The following DLG2 variants were observed in gnomAD, a reference collection of about 807,000 sequenced individuals.
The protein encoded by DLG2 is discs large MAGUK scaffold protein 2, also known as disks large homolog 2.
In DLG2, 45 loss-of-function variants were observed where a neutral mutation model predicts 132.5. That is an observed-to-expected ratio of 0.34 (90% CI 0.27 to 0.44). The LOEUF (loss-of-function observed/expected upper bound fraction) is 0.44. Among genes scored for constraint, DLG2 ranks in the 20% least tolerant of loss-of-function variants. The pLI is 1.00. For missense variants in DLG2, 1,045 were observed against 1,196.9 expected (o/e 0.87, Z 1.87); for synonymous variants, 424 against 419.6 (o/e 1.01, Z -0.13).
At chr11:85,387,836 C>G (rs554472872) in intron 3 of DLG2, among the ~76,000 whole-genome samples, 22 of 152,304 alleles carry the variant, frequency 1.4e-4, no homozygotes, top group African/African-American at 4.6e-4. Flanking sequence ...GGAGGCAGGA[C>G]TAACTGGCAG....
chr11:85,478,943 A>T (rs2093218075), intron 3 of DLG2, among the ~76,000 whole-genome samples: 1 of 152,230 alleles, frequency 6.6e-6, no homozygotes, highest in Non-Finnish European at 1.5e-5. Context: ...AAACATAAAA[A>T]TGTTACCCTT....
intron 7 of DLG2, among the ~76,000 whole-genome samples, chr11:84,343,213 G>C (rs2098523601): frequency 6.6e-6 from 1 of 152,082 alleles, no homozygotes. Flanking sequence ...AGAGAGCTGG[G>C]GCAAAAGTTA....
chr11:85,502,062 T>A (rs375239897), intron 3 of DLG2, among the ~76,000 whole-genome samples: 1 of 152,112 alleles, frequency 6.6e-6, no homozygotes, highest in African/African-American at 2.4e-5. Flanking sequence ...ATGTGGCACA[T>A]ATACTCCATG....
rs1055388595 is a variant in DLG2 at position 84,643,902 on chromosome 11, A to G, written c.358-109171T>C. Among the ~76,000 whole-genome samples the G allele has an allele frequency of 3.9e-5, 6 of 152,290 alleles. No individual in the cohort carries two copies. The South Asian group carries it at 1.2e-3, about 32-fold the overall frequency. On this transcript the variant is annotated intron_variant, in intron 6 of 27. Coordinates refer to ENST00000376104, the MANE Select transcript of DLG2 (RefSeq NM_001142699.3). The stretch of plus-strand genomic sequence containing the variant: ...CATGTGTTGAATCATTGTGCCAGGT[A>G]GTTTATATATGTTACCTCTGATCCT...
At position 85,265,798 on chromosome 11, in the gene DLG2, G is replaced by A. The variant is rs141189046; in HGVS notation, c.186+19422C>T. Among the ~76,000 whole-genome samples, 994 of 152,300 alleles carry A rather than the reference G, an allele frequency of 6.5e-3. 9 individuals are homozygous for A. The highest frequency in any genetic ancestry group is 0.023 in the African/African-American group (941 of 41,568). On this transcript the variant is annotated intron_variant, in intron 4 of 27. Transcript: ENST00000376104. The stretch of plus-strand genomic sequence containing the variant: ...GCTGGACATCAGAGAGAGGCAACTT[G>A]ACTTCGGAGGAGAGAGGCAGAGAGA...
chr11:85,600,456 T>C (rs1391568479), intron 2 of DLG2, among the ~76,000 whole-genome samples: 1 of 152,148 alleles, frequency 6.6e-6, no homozygotes, highest in Non-Finnish European at 1.5e-5. Context: ...AAGGAAAACA[T>C]GGGCACCTAC....
chr11:85,263,714 T>C (rs2152720936), intron 4 of DLG2, among the ~76,000 whole-genome samples: 1 of 152,326 alleles, frequency 6.6e-6, no homozygotes. Context: ...TAGCCATGGC[T>C]GAGGACCATC....
Position 83,720,608 on chromosome 11 carries a change from T to C in DLG2, c.1825+66082A>G, listed in dbSNP as rs1375959363. Among the ~76,000 whole-genome samples, 5 of 152,134 alleles carry C rather than the reference T, an allele frequency of 3.3e-5. No individual in the cohort carries two copies. The East Asian group carries it at 7.7e-4, about 23-fold the overall frequency. On this transcript the variant is annotated intron_variant, in intron 18 of 27. Transcript: ENST00000376104. Reference sequence around the variant, plus strand: ...CTGAACCCATATCTGACAAAGCCAATGCTGGTAACCACCACACTGTAAATA... The same window carrying C: ...CTGAACCCATATCTGACAAAGCCAACGCTGGTAACCACCACACTGTAAATA...
intron 7 of DLG2, among the ~76,000 whole-genome samples, chr11:84,471,980 A>G (rs1382824075): frequency 6.6e-6 from 1 of 151,932 alleles, no homozygotes; most frequent in Non-Finnish European, 1.5e-5. Flanking sequence ...AAAGAAAGAT[A>G]AAAGAGGTTT....
chr11:84,871,910 G>A (rs1432958255), intron 6 of DLG2, among the ~76,000 whole-genome samples: 1 of 152,082 alleles, frequency 6.6e-6, no homozygotes, highest in Non-Finnish European at 1.5e-5. Flanking sequence ...CCTGACCTCA[G>A]GTGATCCGCC....
intron 6 of DLG2, among the ~76,000 whole-genome samples, chr11:84,912,823 G>A (rs1591168804): frequency 6.6e-6 from 1 of 152,224 alleles, no homozygotes. Context: ...AGGCCATCAT[G>A]AGGATGAAAA....
chr11:84,317,725 A>G (rs948370803), intron 7 of DLG2, among the ~76,000 whole-genome samples: 2 of 152,164 alleles, frequency 1.3e-5, no homozygotes, highest in African/African-American at 2.4e-5. Flanking sequence ...ACTTATCTAG[A>G]GAGAGATTTG....
chr11:84,720,250 C>A (rs1215758279), intron 6 of DLG2: 2 of 984,392 alleles, frequency 2.0e-6, no homozygotes, highest in East Asian at 2.3e-4. Context: ...TGTTCTCTCC[C>A]CCGAGGGAGG....
intron 6 of DLG2, among the ~76,000 whole-genome samples, chr11:84,620,144 C>T (rs1408933653): frequency 6.6e-6 from 1 of 151,230 alleles, no homozygotes; most frequent in Non-Finnish European, 1.5e-5. Flanking sequence ...GACCATGAAA[C>T]AGAATACAGA....
At chr11:85,484,165 C>A (rs182056454) in intron 3 of DLG2, among the ~76,000 whole-genome samples, 1 of 152,000 alleles carries the variant, frequency 6.6e-6, no homozygotes, top group South Asian at 2.1e-4. Context: ...GCAGTCCGCC[C>A]GGAGGATTCA....
intron 3 of DLG2, among the ~76,000 whole-genome samples, chr11:85,331,804 C>T (rs545919254): frequency 6.6e-6 from 1 of 151,750 alleles, no homozygotes; most frequent in African/African-American, 2.4e-5. Context: ...CAATTTTGTT[C>T]TTTTATGGCT....
chr11:85,121,004 C>T (rs1433389756), intron 5 of DLG2, among the ~76,000 whole-genome samples: 1 of 151,988 alleles, frequency 6.6e-6, no homozygotes. Context: ...ATGCATAGTG[C>T]TGGTGTCATC....
chr11:84,880,911 G>A (rs2087215776), intron 6 of DLG2, among the ~76,000 whole-genome samples: 1 of 152,112 alleles, frequency 6.6e-6, no homozygotes, highest in Non-Finnish European at 1.5e-5. Context: ...ACAAGAATTT[G>A]TTGAGCACCT....
intron 6 of DLG2, among the ~76,000 whole-genome samples, chr11:85,071,240 C>T (rs186075182): frequency 6.6e-5 from 10 of 151,832 alleles, no homozygotes; most frequent in Admixed American, 2.0e-4. Flanking sequence ...TAAACCTTAG[C>T]GTTACGTCCA....
Sources: allele counts gnomAD v4.1 joint callset (sites outside exome capture counted in the v4.1 genomes callset), GRCh38; gene constraint gnomAD v4.1.1; transcripts MANE v1.5; gene names NCBI Gene and HGNC (gene_info 2026-07-23, HGNC 2026-07-21).